GAD2: variants seen among roughly 807,000 people sequenced by gnomAD.
The protein encoded by GAD2 is 65 kDa glutamic acid decarboxylase.
In GAD2, 22 loss-of-function variants were observed where a neutral mutation model predicts 80.1. That is an observed-to-expected ratio of 0.27 (90% confidence interval 0.20 to 0.39). The LOEUF (loss-of-function observed/expected upper bound fraction) is 0.39, where lower values mean the gene tolerates loss of function less well. GAD2 is among the 10% of genes least tolerant of loss of function. GAD2 has a pLI of 1.00. For missense variants in GAD2, 624 were observed against 738.4 expected (o/e 0.85, Z 1.80); for synonymous variants, 274 against 256.9 (o/e 1.07, Z -0.64).
At position 26,301,679 on chromosome 10, in the gene GAD2, A is replaced by G. The variant is rs1158311988; in HGVS notation, c.*718A>G. 3.9e-5 allele frequency: 6 copies of G among 152,294 alleles called. No individual in the cohort carries two copies. In the East Asian group the frequency reaches 9.6e-4, roughly 24 times the overall value. 9.4% of individuals were successfully genotyped at this position (152,294 alleles called of 1,614,324 possible). A position where few individuals can be genotyped will look rare whatever the true frequency, so the allele number is the denominator to read the frequency against. ...ATTATTGCTTCTTTCTATACATGTT[A>G]TGGCTTATCACATCTCTAAAGTTAG... On this transcript the variant is annotated 3_prime_UTR_variant, in exon 16 of 16. Coordinates refer to ENST00000376261, the MANE Select transcript of GAD2 (RefSeq NM_001134366.2).
upstream of GAD2, chr10:26,216,533 C>G: frequency 7.0e-6 from 2 of 286,536 alleles, no homozygotes. This position sits in a 1 kb window ranked among gnomAD's most constrained non-coding sequence, Gnocchi z 4.7. Flanking sequence ...AGTCCGGGCT[C>G]CGAGGACCCT....
At chr10:26,252,034 A>G (rs1472587066) in intron 8 of GAD2, among the ~76,000 whole-genome samples, 1 of 152,236 alleles carries the variant, frequency 6.6e-6, no homozygotes, top group Non-Finnish European at 1.5e-5. Flanking sequence ...TGTACAGTTC[A>G]GAACACCACG....
At chr10:26,257,120 G>A (rs1291313373) in intron 8 of GAD2, among the ~76,000 whole-genome samples, 1 of 152,150 alleles carries the variant, frequency 6.6e-6, no homozygotes, top group African/African-American at 2.4e-5. Flanking sequence ...GCTCATGTCT[G>A]TAATGCAGCA....
intron 11 of GAD2, 105 bp downstream of exon 11, chr10:26,273,805 C>A: frequency 2.3e-6 from 2 of 887,344 alleles, no homozygotes; most frequent in Non-Finnish European, 3.6e-6. Flanking sequence ...AGTGAACTCA[C>A]TCTATTCAGT....
chr10:26,274,000 A>G (rs1320829448), intron 11 of GAD2, among the ~76,000 whole-genome samples: 3 of 152,234 alleles, frequency 2.0e-5, no homozygotes, highest in African/African-American at 4.8e-5. Flanking sequence ...CTCTGAACCA[A>G]CCACAAAAAT....
intron 8 of GAD2, among the ~76,000 whole-genome samples, chr10:26,258,696 C>T (rs1564664791): frequency 2.0e-5 from 3 of 152,178 alleles, no homozygotes; most frequent in Non-Finnish European, 4.4e-5. Context: ...CATGTTGTAG[C>T]ATGTGTTAGA....
intron 6 of GAD2, among the ~76,000 whole-genome samples, chr10:26,227,656 T>G (rs1207334691): frequency 6.6e-6 from 1 of 152,220 alleles, no homozygotes; most frequent in Non-Finnish European, 1.5e-5. Context: ...GCTATGGGCA[T>G]CTGGTGGGTA....
chr10:26,217,848 T>C lies in GAD2; in HGVS notation c.143T>C (p.Leu48Pro). ...GGIGNKLCAL[L>P]YGDAEKPAES... ...GTTCGGTGTCCTTACCCAGCCCTGCTCTACGGAGACGCCGAGAAGCCGGCG... is the reference window on the plus strand; with the variant it reads ...GTTCGGTGTCCTTACCCAGCCCTGCCCTACGGAGACGCCGAGAAGCCGGCG... Residue 48 changes from leucine to proline, a missense_variant, in exon 3 of 16, where the codon CTC becomes CCC. Transcript: ENST00000376261. The surrounding 1 kb of genome is among the most constrained non-coding windows in gnomAD (Gnocchi z 4.9). The C allele has an allele frequency of 6.2e-7, 1 of 1,604,870 alleles. No individual in the cohort carries two copies. Among genetic ancestry groups the C allele is most frequent in the Non-Finnish European group, 8.5e-7 (1 of 1,175,744 alleles).
At chr10:26,269,059 C>A (rs556966509) in intron 8 of GAD2, 60 bp from the exon 9 acceptor site, 2 of 1,341,536 alleles carry the variant, frequency 1.5e-6, no homozygotes, top group African/African-American at 1.5e-5. Flanking sequence ...CGGCCACTTA[C>A]GTTGTAAAGA....
intron 8 of GAD2, among the ~76,000 whole-genome samples, chr10:26,246,517 T>C (rs1844813090): frequency 6.6e-6 from 1 of 152,204 alleles, no homozygotes; most frequent in Non-Finnish European, 1.5e-5. Context: ...TGCGGTGCTT[T>C]GTGGGAGAGA....
rs961772517 is a variant in GAD2, at chr10:26,217,066, T to TACCCTG, written c.76+182_76+187dup. Among the ~76,000 whole-genome samples, 5 of 151,992 alleles carry TACCCTG rather than the reference T, an allele frequency of 3.3e-5. No homozygotes were observed. Among genetic ancestry groups the TACCCTG allele is most frequent in the African/African-American group, 1.2e-4 (5 of 41,398 alleles). On this transcript the variant is annotated intron_variant, in intron 1 of 15. Transcript: ENST00000376261. The surrounding 1 kb of genome is among the most constrained non-coding windows in gnomAD (Gnocchi z 4.9). ...AGCTCAAGACCTCTACAGCCTCTTGTACCCTGGGAAGACGCCCAAATAGTC... is the reference window on the plus strand; with the variant it reads ...AGCTCAAGACCTCTACAGCCTCTTGTACCCTGACCCTGGGAAGACGCCCAAATAGTC...
intron 7 of GAD2, among the ~76,000 whole-genome samples, chr10:26,238,233 C>T (rs2071426247): frequency 6.6e-6 from 1 of 152,170 alleles, no homozygotes; most frequent in Admixed American, 6.5e-5. Flanking sequence ...CTACACTTCT[C>T]ACATCAATTC....
chr10:26,216,644 C>G, upstream of GAD2: 2 of 491,418 alleles, frequency 4.1e-6, no homozygotes, highest in Non-Finnish European at 7.1e-6. This position sits in a 1 kb window ranked among gnomAD's most constrained non-coding sequence, Gnocchi z 4.7. Context: ...CAGACACGCA[C>G]GTTTTCTGTT....
chr10:26,250,620 G>A (rs1589144028), intron 8 of GAD2, among the ~76,000 whole-genome samples: 1 of 151,992 alleles, frequency 6.6e-6, no homozygotes, highest in Non-Finnish European at 1.5e-5. Context: ...AGTTTGTGAC[G>A]GAAAATACAA....
At chr10:26,221,419 G>C (rs1844450403) in intron 4 of GAD2, among the ~76,000 whole-genome samples, 1 of 152,224 alleles carries the variant, frequency 6.6e-6, no homozygotes, top group South Asian at 2.1e-4. Context: ...ACTGAGCAGA[G>C]AATGATAGAA....
At chr10:26,275,439 G>A (rs16926761) in intron 11 of GAD2, among the ~76,000 whole-genome samples, 3,782 of 152,254 alleles carry the variant, frequency 0.025, 162 homozygotes, top group African/African-American at 0.085. Flanking sequence ...AGCTTAGAAC[G>A]TTCATCAGGG....
intron 7 of GAD2, among the ~76,000 whole-genome samples, chr10:26,238,476 T>C (rs896160482): frequency 2.0e-5 from 3 of 152,248 alleles, no homozygotes; most frequent in Admixed American, 1.3e-4. Flanking sequence ...CATTTGTCAC[T>C]GAAGATCATT....
chr10:26,222,366 A>G (rs777397951), intron 4 of GAD2, among the ~76,000 whole-genome samples: 5 of 152,304 alleles, frequency 3.3e-5, no homozygotes, highest in Admixed American at 2.0e-4. Flanking sequence ...GAAAATGAAT[A>G]TGAATTATAA....
Position 26,217,542 on chromosome 10 carries a change from G to T in GAD2, c.77-68G>T. ...GGACTGATTGATTTTCACATAGAAC[G>T]AAATTTCACACGTCCGTCTGTTGTT... On this transcript the variant is annotated intron_variant, in intron 1 of 15. Coordinates refer to ENST00000376261, the MANE Select transcript of GAD2 (RefSeq NM_001134366.2). The surrounding 1 kb of genome is among the most constrained non-coding windows in gnomAD (Gnocchi z 4.9). 2 of 1,507,128 alleles carry T rather than the reference G, an allele frequency of 1.3e-6. No homozygotes were observed. The highest frequency in any genetic ancestry group is 1.8e-6 in the Non-Finnish European group (2 of 1,102,562). 93.4% of individuals were successfully genotyped at this position (1,507,128 alleles called of 1,614,324 possible). A position where few individuals can be genotyped will look rare whatever the true frequency, so the allele number is the denominator to read the frequency against.
Sources: allele counts gnomAD v4.1 joint callset (sites outside exome capture counted in the v4.1 genomes callset), GRCh38; gene constraint gnomAD v4.1.1; non-coding constraint Gnocchi (gnomAD v3.1); transcripts MANE v1.5; gene names NCBI Gene and HGNC (gene_info 2026-07-23, HGNC 2026-07-21).